GLI3: variants seen among roughly 807,000 people sequenced by gnomAD.
GLI3 encodes the protein transcription activator GLI3.
In GLI3, 20 loss-of-function variants were observed where a neutral mutation model predicts 100.8. That is an observed-to-expected ratio of 0.20 (90% confidence interval 0.14 to 0.29). The LOEUF (loss-of-function observed/expected upper bound fraction) is 0.29, where lower values mean the gene tolerates loss of function less well. Among genes scored for constraint, GLI3 ranks in the 10% least tolerant of loss-of-function variants. The pLI is 1.00. For synonymous variants in GLI3, 938 were observed against 860.5 expected (o/e 1.09, Z -1.58); for missense variants, 2,040 against 2,128.5 (o/e 0.96, Z 0.82).
At chr7:42,106,172 C>T (rs868568652) in intron 3 of GLI3, among the ~76,000 whole-genome samples, 2 of 152,182 alleles carry the variant, frequency 1.3e-5, no homozygotes, top group Admixed American at 6.5e-5. Flanking sequence ...CTGGCCTCAC[C>T]GTCCAACAGG....
At chr7:42,182,660 A>ATATATATATATATATACATACATGTGTG (rs1554337034) in intron 2 of GLI3, among the ~76,000 whole-genome samples, 3 of 59,138 alleles carry the variant, frequency 5.1e-5, no homozygotes, top group African/African-American at 1.9e-4. Context: ...ATATATATAT[A>ATATATATATATATATACATACATGTGTG]TATATATATA....
intron 4 of GLI3, among the ~76,000 whole-genome samples, chr7:42,060,433 G>A (rs1040943706): frequency 1.3e-5 from 2 of 151,968 alleles, no homozygotes; most frequent in Non-Finnish European, 2.9e-5. Flanking sequence ...TTAAGATGAT[G>A]GATTTTTTTT....
chr7:42,017,661 G>A (rs189053686), intron 10 of GLI3, among the ~76,000 whole-genome samples: 27 of 152,294 alleles, frequency 1.8e-4, no homozygotes, highest in Non-Finnish European at 3.2e-4. Flanking sequence ...AAGGTTGAAC[G>A]AGGCAAGGCC....
At chr7:42,247,608 T>C (rs1196480187) in intron 1 of GLI3, among the ~76,000 whole-genome samples, 1 of 152,218 alleles carries the variant, frequency 6.6e-6, no homozygotes, top group Non-Finnish European at 1.5e-5. Flanking sequence ...TTGTGGTGCA[T>C]GGTCCAGTAC....
intron 2 of GLI3, among the ~76,000 whole-genome samples, chr7:42,187,611 C>A (rs77231808): frequency 1.7e-4 from 26 of 152,202 alleles, no homozygotes; most frequent in African/African-American, 6.0e-4. Flanking sequence ...CCTCAGAATG[C>A]GACCTTATAT....
chr7:42,040,876 G>A (rs1004059633), intron 6 of GLI3, among the ~76,000 whole-genome samples: 5 of 152,046 alleles, frequency 3.3e-5, no homozygotes, highest in Non-Finnish European at 7.4e-5. Context: ...TCTGGTTTTC[G>A]GGACTCAGCA....
intron 3 of GLI3, among the ~76,000 whole-genome samples, chr7:42,125,083 C>T (rs193031553): frequency 8.5e-5 from 13 of 152,226 alleles, no homozygotes; most frequent in Non-Finnish European, 1.9e-4. Flanking sequence ...GAAGTGGAAG[C>T]TGACAATTTA....
chr7:42,250,945 G>A (rs531884394), intron 1 of GLI3, among the ~76,000 whole-genome samples: 2 of 152,274 alleles, frequency 1.3e-5, no homozygotes, highest in Admixed American at 6.5e-5. Context: ...GACAGACTGG[G>A]GCCCCTCAAT....
chr7:41,988,072 A>T (rs1212222533), intron 10 of GLI3, among the ~76,000 whole-genome samples: 1 of 152,224 alleles, frequency 6.6e-6, no homozygotes, highest in Non-Finnish European at 1.5e-5. Context: ...AAACATCCTC[A>T]TTCTTCAAAG....
intron 10 of GLI3, among the ~76,000 whole-genome samples, chr7:41,993,300 G>A (rs536708300): frequency 1.3e-5 from 2 of 152,178 alleles, no homozygotes; most frequent in African/African-American, 4.8e-5. Context: ...AGCTGGAGAC[G>A]TGTGGTCACG....
chr7:41,966,497 A>G lies in GLI3; in HGVS notation c.2576T>C (p.Leu859Pro). ...GATCCCTGAGGAGCGGCGGCTGCTC[A>G]GGTAGGCCGAGCTGATGGTGCTGGC... ...SSASTISSAY[L>P]SSRRSSGISP... Residue 859 changes from leucine to proline, a missense_variant, in exon 15 of 15, where the codon CTG (leucine) becomes CCG (proline). Coordinates refer to ENST00000395925, the MANE Select transcript of GLI3 (RefSeq NM_000168.6). The surrounding 1 kb of genome is among the most constrained non-coding windows in gnomAD (Gnocchi z 5.8). 1 of 1,613,434 alleles carries G rather than the reference A, an allele frequency of 6.2e-7. No individual in the cohort carries two copies. The highest frequency in any genetic ancestry group is 8.5e-7 in the Non-Finnish European group (1 of 1,179,922).
intron 3 of GLI3, among the ~76,000 whole-genome samples, chr7:42,086,689 C>G (rs1260509044): frequency 6.6e-6 from 1 of 152,030 alleles, no homozygotes; most frequent in African/African-American, 2.4e-5. Context: ...ATACAAACAC[C>G]ACCCCCTCCA....
At chr7:42,077,418 G>A (rs1784904019) in intron 3 of GLI3, among the ~76,000 whole-genome samples, 3 of 150,282 alleles carry the variant, frequency 2.0e-5, no homozygotes, top group Admixed American at 1.3e-4. Flanking sequence ...TTCTTGGCCG[G>A]GCTAGGCCTC....
chr7:42,134,365 T>C (rs1027636396), intron 3 of GLI3, among the ~76,000 whole-genome samples: 29 of 152,268 alleles, frequency 1.9e-4, no homozygotes, highest in Admixed American at 1.7e-3. Context: ...GAACGATTCA[T>C]GTCCTAGAAT....
chr7:42,246,067 C>T (rs907525793), intron 1 of GLI3, among the ~76,000 whole-genome samples: 1 of 152,112 alleles, frequency 6.6e-6, no homozygotes, highest in African/African-American at 2.4e-5. Flanking sequence ...GACAGAGGCC[C>T]ACTGCAGGAA....
At chr7:42,051,511 A>G (rs1784351656) in intron 4 of GLI3, among the ~76,000 whole-genome samples, 1 of 152,230 alleles carries the variant, frequency 6.6e-6, no homozygotes, top group African/African-American at 2.4e-5. Context: ...CTGTGCTAAC[A>G]TATTCCACCC....
chr7:42,262,028 C>G (rs376575563), intron 1 of GLI3, among the ~76,000 whole-genome samples: 3 of 145,660 alleles, frequency 2.1e-5, no homozygotes, highest in African/African-American at 5.1e-5. Flanking sequence ...CTCTCTCTCT[C>G]TCTTTCTTTC....
At chr7:42,204,118 T>C (rs1788101246) in intron 2 of GLI3, among the ~76,000 whole-genome samples, 1 of 152,110 alleles carries the variant, frequency 6.6e-6, no homozygotes, top group African/African-American at 2.4e-5. Context: ...CACTCTGCTC[T>C]TCCCACTCAC....
At chr7:42,113,531 G>A (rs1223067656) in intron 3 of GLI3, 3 of 1,174,930 alleles carry the variant, frequency 2.6e-6, no homozygotes, top group East Asian at 4.7e-5. Flanking sequence ...GGGAAAAGCT[G>A]ATGCTGGCAA....
Sources: gnomAD v4.1 joint callset for allele counts (sites outside exome capture counted in the v4.1 genomes callset) on GRCh38, gnomAD v4.1.1 for gene constraint, Gnocchi (gnomAD v3.1) non-coding constraint, MANE v1.5 for transcripts, NCBI Gene and HGNC (gene_info 2026-07-23, HGNC 2026-07-21) for gene names.